Variants in KIF26B observed in about 807,000 individuals in gnomAD.
KIF26B encodes kinesin family member 26B.
KIF26B carries 63 observed loss-of-function variants against 151.2 expected under a neutral mutation model. That is an observed-to-expected ratio of 0.42 (90% CI 0.34 to 0.51). KIF26B has a LOEUF of 0.51. Among genes scored for constraint, KIF26B ranks in the 20% least tolerant of loss-of-function variants. KIF26B has a pLI of 0.07. For missense variants in KIF26B, 2,813 were observed against 2,913.6 expected, an observed-to-expected ratio of 0.97 and a Z score of 0.79; for synonymous variants, 1,357 against 1,262.1, an observed-to-expected ratio of 1.08 and a Z score of -1.59.
rs78649656 is a variant in KIF26B at position 245,192,790 on chromosome 1, T to A, written c.465+36107T>A. On this transcript the variant is annotated intron_variant, in intron 2 of 14. Transcript: ENST00000407071. ...TTATTGATTGTGTGGTATCACAGAT[T>A]TGGGGGGTGCGTGTGCAGGTGCACG... Among the ~76,000 whole-genome samples the A allele has an allele frequency of 5.6e-3, 852 of 152,342 alleles. 5 individuals are homozygous for A. The highest frequency in any genetic ancestry group is 0.02 in the African/African-American group (819 of 41,574).
rs911536952 is a variant in KIF26B, at chr1:245,156,354, G to A, written c.136G>A (p.Glu46Lys). 9.7e-6 allele frequency: 15 copies of A among 1,545,902 alleles called. No individual in the cohort carries two copies. Among genetic ancestry groups the A allele is most frequent in the East Asian group, 2.5e-5 (1 of 40,422 alleles). Residue 46 changes from glutamate to lysine, a missense_variant, in exon 2 of 15, where the codon GAG becomes AAG. Physicochemically the swap from Glu to Lys is moderately conservative, Grantham distance 56 (BLOSUM62 1). Coordinates refer to ENST00000407071, the MANE Select transcript of KIF26B (RefSeq NM_018012.4). Reference protein sequence around the residue: ...SPESWYRKAYEESRAGSRPTP... With the variant: ...SPESWYRKAYKESRAGSRPTP... ...GGAAAGCTGGTACCGGAAAGCATAC[G>A]AGGAGTCGCGCGCCGGCAGCCGGCC...
At position 245,688,677 on chromosome 1, in the gene KIF26B, C is replaced by T. The variant is rs1397970487; in HGVS notation, c.5694C>T (p.Tyr1898=). 5.0e-6 allele frequency: 8 copies of T among 1,605,074 alleles called. 1 individual carries two copies. In the South Asian group the frequency reaches 6.7e-5, roughly 13 times the overall value. ...ACCACAGCGGCGGCAGCAGCGGCTACGAGAGCGTGATGCGGGACAGCGAGG... is the reference window on the plus strand; with the variant it reads ...ACCACAGCGGCGGCAGCAGCGGCTATGAGAGCGTGATGCGGGACAGCGAGG... The part of the protein sequence containing the change: ...LFYHSGGSSG[Y]ESVMRDSEAT... The change falls in exon 12 of 15, where the codon TAC becomes TAT. Residue 1898 remains tyrosine, a synonymous_variant. Transcript: ENST00000407071.
rs116080360 is a variant in KIF26B at position 245,174,120 on chromosome 1, T to C, written c.465+17437T>C. On this transcript the variant is annotated intron_variant, in intron 2 of 14. Coordinates refer to ENST00000407071, the MANE Select transcript of KIF26B (RefSeq NM_018012.4). ...TAAACTCCAAAAAAATGATTTATTA[T>C]CTCTTGGGTGCTTGACAGCAATATG... 7.3e-3 allele frequency among the ~76,000 whole-genome samples: 1,106 copies of C among 152,320 alleles called. 20 individuals carry two copies. Among genetic ancestry groups the C allele is most frequent in the African/African-American group, 0.025 (1,048 of 41,568 alleles).
chr1:245,547,072 C>T (rs1661759794), intron 5 of KIF26B, among the ~76,000 whole-genome samples: 1 of 152,244 alleles, frequency 6.6e-6, no homozygotes, highest in Non-Finnish European at 1.5e-5. Context: ...CTGCTAGCGC[C>T]GCCCCAGGCG....
chr1:245,168,550 C>T (rs1414826860), intron 2 of KIF26B, among the ~76,000 whole-genome samples: 1 of 152,124 alleles, frequency 6.6e-6, no homozygotes, highest in Non-Finnish European at 1.5e-5. Context: ...GTTAATTTTA[C>T]ATTAAAAGTT....
chr1:245,536,786 T>C (rs1419234237), intron 4 of KIF26B, among the ~76,000 whole-genome samples: 1 of 152,220 alleles, frequency 6.6e-6, no homozygotes, highest in Non-Finnish European at 1.5e-5. Context: ...TGATACTGGC[T>C]GTCTTCTGGG....
intron 2 of KIF26B, among the ~76,000 whole-genome samples, chr1:245,219,923 A>C (rs1451153883): frequency 6.6e-6 from 1 of 151,750 alleles, no homozygotes; most frequent in Non-Finnish European, 1.5e-5. Context: ...TCAAAAGACT[A>C]TGGGGGTTCC....
At chr1:245,237,118 T>G (rs2103558190) in intron 2 of KIF26B, among the ~76,000 whole-genome samples, 1 of 152,318 alleles carries the variant, frequency 6.6e-6, no homozygotes, top group South Asian at 2.1e-4. Context: ...TTTCTTCCTC[T>G]GTCCTCTGCT....
intron 12 of KIF26B, among the ~76,000 whole-genome samples, chr1:245,697,090 G>A (rs778378024): frequency 6.6e-6 from 1 of 152,074 alleles, no homozygotes; most frequent in Non-Finnish European, 1.5e-5. Flanking sequence ...CAGCCTGGGC[G>A]ACAGAGTGAG....
chr1:245,403,130 G>A (rs150536545), intron 3 of KIF26B, among the ~76,000 whole-genome samples: 32 of 151,728 alleles, frequency 2.1e-4, no homozygotes, highest in African/African-American at 7.5e-4. Flanking sequence ...CACCATGTCT[G>A]GCTAATTTTT....
chr1:245,385,729 G>A (rs116830465), intron 3 of KIF26B, among the ~76,000 whole-genome samples: 2,076 of 152,318 alleles, frequency 0.014, 50 homozygotes, highest in African/African-American at 0.047. Flanking sequence ...GTAGTTAGGC[G>A]ACGTGAAGCC....
chr1:245,681,302 C>G lies in KIF26B; in HGVS notation c.2259-2931C>G, dbSNP rs548887575. ...ACGGCTCACTGCAAGCTCCACCCCC[C>G]GGGTTCACGCCATTCTCCTGCCTCA... On this transcript the variant is annotated intron_variant, in intron 10 of 14. Coordinates refer to ENST00000407071, the MANE Select transcript of KIF26B (RefSeq NM_018012.4). Among the ~76,000 whole-genome samples the G allele has an allele frequency of 3.9e-5, 6 of 152,026 alleles. No homozygotes were observed. The South Asian group carries it at 1.0e-3, about 26-fold the overall frequency.
chr1:245,584,268 G>A (rs2043203315), intron 5 of KIF26B, among the ~76,000 whole-genome samples: 1 of 152,160 alleles, frequency 6.6e-6, no homozygotes, highest in East Asian at 1.9e-4. Context: ...CTTCCCTAGA[G>A]GCTGAGCAGA....
intron 3 of KIF26B, among the ~76,000 whole-genome samples, chr1:245,390,542 T>C (rs1396655047): frequency 6.6e-6 from 1 of 152,058 alleles, no homozygotes; most frequent in South Asian, 2.1e-4. Context: ...AATAATTTTA[T>C]TGAATCAAAA....
chr1:245,203,691 C>T (rs1254557113), intron 2 of KIF26B, among the ~76,000 whole-genome samples: 1 of 152,172 alleles, frequency 6.6e-6, no homozygotes, highest in Non-Finnish European at 1.5e-5. Flanking sequence ...TTTTGATGCG[C>T]TTCCTCTCCC....
Position 245,419,721 on chromosome 1 carries a change from C to T in KIF26B, c.1142C>T (p.Ser381Leu), listed in dbSNP as rs748774425. The T allele has an allele frequency of 5.0e-5, 80 of 1,612,476 alleles. No homozygotes were observed. The highest frequency in any genetic ancestry group is 8.9e-5 in the East Asian group (4 of 44,856). Residue 381 changes from serine to leucine, a missense_variant, in exon 4 of 15, where the codon TCG becomes TTG. Ser to Leu is a moderately radical substitution (Grantham distance 145, BLOSUM62 -2). Around this residue, in one of 3 missense-constraint regions of KIF26B, gnomAD observed 676 missense variants for 688.1 expected, o/e 0.98. Transcript: ENST00000407071. The stretch of plus-strand genomic sequence containing the variant: ...GCCAGCGAGACTTCCACAGGCACAT[C>T]GGTGGCCGCCTCCTTCTTTGCACGG... The part of the protein sequence containing the change: ...CVASETSTGT[S>L]VAASFFARAA...
intron 4 of KIF26B, among the ~76,000 whole-genome samples, chr1:245,529,976 G>C (rs1661324146): frequency 6.6e-6 from 1 of 151,000 alleles, no homozygotes; most frequent in African/African-American, 2.4e-5. Context: ...CAACTCTATG[G>C]AAAAAAAAAT....
At chr1:245,636,765 C>T (rs2043838106) in intron 9 of KIF26B, among the ~76,000 whole-genome samples, 1 of 151,968 alleles carries the variant, frequency 6.6e-6, no homozygotes, top group Non-Finnish European at 1.5e-5. Flanking sequence ...TCTTTCCATA[C>T]CTGACTTATT....
chr1:245,424,434 C>T (rs950726104), intron 4 of KIF26B, among the ~76,000 whole-genome samples: 3 of 152,154 alleles, frequency 2.0e-5, no homozygotes. Context: ...TTTTGATTGA[C>T]TAATAAACAT....
Sources: allele counts gnomAD v4.1 joint callset (sites outside exome capture counted in the v4.1 genomes callset), GRCh38; gene constraint gnomAD v4.1.1; regional missense constraint gnomAD v4.1.1; transcripts MANE v1.5; gene names NCBI Gene and HGNC (gene_info 2026-07-23, HGNC 2026-07-21).